The following SPMIP7 variants were observed in gnomAD, a reference collection of about 807,000 sequenced individuals.
SPMIP7 encodes the protein sperm microtubule inner protein 7.
chr7:50,158,863 C>A, the SPMIP7 span, among the ~76,000 whole-genome samples: 1 of 152,140 alleles, frequency 6.6e-6, no homozygotes, highest in Non-Finnish European at 1.5e-5. Context: ...TAATTCTCTG[C>A]GCAGCACAGA....
chr7:50,140,777 T>G, the SPMIP7 span, among the ~76,000 whole-genome samples: 1 of 152,210 alleles, frequency 6.6e-6, no homozygotes, highest in Admixed American at 6.5e-5. Context: ...AGTTGACTAG[T>G]GTTTCTACCA....
chr7:50,108,309 AG>A, the SPMIP7 span, among the ~76,000 whole-genome samples: 1 of 152,232 alleles, frequency 6.6e-6, no homozygotes, highest in South Asian at 2.1e-4. Context: ...ACAGACAGCA[AG>A]GAAATTAGGT....
At chr7:50,136,934 T>C in the SPMIP7 span, among the ~76,000 whole-genome samples, 1 of 152,340 alleles carries the variant, frequency 6.6e-6, no homozygotes, top group African/African-American at 2.4e-5. Flanking sequence ...TCCCCAACTT[T>C]AGAAATAAAA....
chr7:50,131,223 C>T, the SPMIP7 span, among the ~76,000 whole-genome samples: 37 of 151,980 alleles, frequency 2.4e-4, no homozygotes, highest in Non-Finnish European at 2.9e-4. Context: ...GGATGTATGT[C>T]GAATGTAGAG....
chr7:50,109,567 G>T, the SPMIP7 span, among the ~76,000 whole-genome samples: 2 of 152,154 alleles, frequency 1.3e-5, no homozygotes, highest in African/African-American at 2.4e-5. Flanking sequence ...GCAGAGACAG[G>T]TTTCACCATG....
the SPMIP7 span, among the ~76,000 whole-genome samples, chr7:50,110,061 T>G: frequency 1.2e-4 from 18 of 152,146 alleles, no homozygotes; most frequent in African/African-American, 4.3e-4. Flanking sequence ...GGATCAATTC[T>G]GCTGTAGTCA....
chr7:50,129,749 G>T, the SPMIP7 span: 3 of 1,548,600 alleles, frequency 1.9e-6, no homozygotes, highest in Non-Finnish European at 2.6e-6. Context: ...AAACAAACAA[G>T]AAATGTAATG....
chr7:50,146,541 C>T, the SPMIP7 span, among the ~76,000 whole-genome samples: 1 of 152,160 alleles, frequency 6.6e-6, no homozygotes, highest in East Asian at 1.9e-4. Context: ...CTTGTGGCCA[C>T]GACATCTTAT....
At chr7:50,142,896 T>C in the SPMIP7 span, 1 of 152,220 alleles carries the variant, frequency 6.6e-6, no homozygotes, top group African/African-American at 2.4e-5. Context: ...ACAATACTGC[T>C]TGAGCTACAA....
chr7:50,114,105 TG>T, the SPMIP7 span, among the ~76,000 whole-genome samples: 1 of 152,118 alleles, frequency 6.6e-6, no homozygotes, highest in Non-Finnish European at 1.5e-5. Context: ...AAACATTTTT[TG>T]TAAAAACAAA....
chr7:50,105,690 T>G, the SPMIP7 span, among the ~76,000 whole-genome samples: 2 of 152,264 alleles, frequency 1.3e-5, no homozygotes, highest in Admixed American at 1.3e-4. Flanking sequence ...CTGTGCATTT[T>G]TCTTTTATAA....
the SPMIP7 span, among the ~76,000 whole-genome samples, chr7:50,142,348 T>C: frequency 6.6e-6 from 1 of 152,190 alleles, no homozygotes; most frequent in Admixed American, 6.5e-5. Context: ...ATGGCAACAT[T>C]TTAAAGATTT....
chr7:50,131,834 T>C, the SPMIP7 span, among the ~76,000 whole-genome samples: 1 of 151,992 alleles, frequency 6.6e-6, no homozygotes, highest in Non-Finnish European at 1.5e-5. Context: ...CCAAAACACA[T>C]GGCATGACAC....
the SPMIP7 span, among the ~76,000 whole-genome samples, chr7:50,098,995 C>A: frequency 6.6e-6 from 1 of 152,192 alleles, no homozygotes; most frequent in Non-Finnish European, 1.5e-5. Flanking sequence ...CTATTTCCCT[C>A]CCTGCCAGGG....
the SPMIP7 span, chr7:50,159,163 C>T: frequency 6.4e-7 from 1 of 1,551,532 alleles, no homozygotes; most frequent in African/African-American, 1.4e-5. Context: ...AAACCATAGA[C>T]TACTAGAGGA....
the SPMIP7 span, among the ~76,000 whole-genome samples, chr7:50,149,719 T>C: frequency 6.6e-6 from 1 of 152,214 alleles, no homozygotes; most frequent in Non-Finnish European, 1.5e-5. Context: ...AGCCAATAAG[T>C]CATCACCAAC....
chr7:50,153,698 G>T, the SPMIP7 span, among the ~76,000 whole-genome samples: 3 of 152,206 alleles, frequency 2.0e-5, no homozygotes, highest in Non-Finnish European at 4.4e-5. Context: ...CTGGGGCTCT[G>T]GGAGGGGGCA....
the SPMIP7 span, among the ~76,000 whole-genome samples, chr7:50,111,492 T>C: frequency 1.3e-5 from 2 of 152,164 alleles, no homozygotes; most frequent in Non-Finnish European, 2.9e-5. Flanking sequence ...CTTTTTACTG[T>C]ACACGTGGTG....
the SPMIP7 span, chr7:50,141,133 T>A: frequency 3.9e-6 from 2 of 515,072 alleles, no homozygotes; most frequent in South Asian, 3.4e-5. Flanking sequence ...AGGAAAATTG[T>A]TCTATCATTA....
Sources: gnomAD v4.1 joint callset for allele counts (sites outside exome capture counted in the v4.1 genomes callset) on GRCh38, gnomAD v4.1.1 for gene constraint, MANE v1.5 for transcripts, NCBI Gene and HGNC (gene_info 2026-07-23, HGNC 2026-07-21) for gene names.